The following WWOX variants were observed in gnomAD, a reference collection of about 807,000 sequenced individuals.
WWOX encodes the protein WW domain-containing oxidoreductase.
Under a neutral mutation model 46.2 loss-of-function variants are expected in WWOX, and 69 were observed. The observed-to-expected ratio is 1.49, with a 90% CI of 1.23 to 1.82. The LOEUF (loss-of-function observed/expected upper bound fraction) is 1.82, where lower values mean the gene tolerates loss of function less well. Ranked by LOEUF, WWOX falls within the 40% of genes most tolerant of loss-of-function variation. WWOX has a pLI of 0.00. For missense variants in WWOX, 919 were observed against 542.6 expected, an observed-to-expected ratio of 1.69 and a Z score of -6.89; for synonymous variants, 359 against 202.6, an observed-to-expected ratio of 1.77 and a Z score of -6.56.
At chr16:78,941,320 G>A (rs1028316433) in intron 8 of WWOX, among the ~76,000 whole-genome samples, 8 of 152,146 alleles carry the variant, frequency 5.3e-5, no homozygotes, top group African/African-American at 1.4e-4. Context: ...GGGATGTCGC[G>A]CATGTTGATT....
At chr16:78,374,142 T>A (rs2151923932) in intron 5 of WWOX, among the ~76,000 whole-genome samples, 1 of 152,316 alleles carries the variant, frequency 6.6e-6, no homozygotes, top group South Asian at 2.1e-4. Flanking sequence ...ACTCCATACA[T>A]CATTTTTTCT....
chr16:79,108,521 A>G (rs1055394057), intron 8 of WWOX, among the ~76,000 whole-genome samples: 5 of 152,266 alleles, frequency 3.3e-5, no homozygotes, highest in African/African-American at 1.2e-4. Context: ...GCAGTCCTGG[A>G]TGAACCACCA....
At chr16:78,471,145 G>T (rs534138123) in intron 8 of WWOX, among the ~76,000 whole-genome samples, 1 of 152,302 alleles carries the variant, frequency 6.6e-6, no homozygotes, top group African/African-American at 2.4e-5. Flanking sequence ...AAAGTCAAAA[G>T]AATGACAGAA....
At chr16:78,104,091 G>A (rs936783906) in intron 1 of WWOX, among the ~76,000 whole-genome samples, 7 of 152,156 alleles carry the variant, frequency 4.6e-5, no homozygotes, top group Middle Eastern at 6.8e-3. Context: ...TGTCAGAGCC[G>A]TCCTTGTTTG....
chr16:78,651,484 A>G (rs1403645494), intron 8 of WWOX, among the ~76,000 whole-genome samples: 1 of 152,244 alleles, frequency 6.6e-6, no homozygotes, highest in Non-Finnish European at 1.5e-5. Context: ...GCAGATTGTT[A>G]AAATGGTATC....
Position 78,424,891 on chromosome 16 carries a change from C to T in WWOX, c.627C>T (p.Cys209=). Residue 209 remains cysteine (C), a synonymous_variant, in exon 7 of 9, where the codon TGC becomes TGT. Transcript: ENST00000566780. ...TCAGGCCTCTTCATGTGCTTGTGTGCAACGCAGCAACTTTTGCTCTACCCT... is the reference window on the plus strand; with the variant it reads ...TCAGGCCTCTTCATGTGCTTGTGTGTAACGCAGCAACTTTTGCTCTACCCT... ...AKNVPLHVLV[C]NAATFALPWS... 1.2e-6 allele frequency: 2 copies of T among 1,614,150 alleles called. No homozygotes were observed. Among genetic ancestry groups the T allele is most frequent in the Middle Eastern group, 1.6e-4 (1 of 6,062 alleles).
chr16:78,373,892 A>G (rs893666187), intron 5 of WWOX, among the ~76,000 whole-genome samples: 7 of 152,100 alleles, frequency 4.6e-5, no homozygotes, highest in Admixed American at 2.6e-4. Flanking sequence ...AGTTCAAGCA[A>G]TCCTCCCACC....
At chr16:78,101,648 C>A (rs1239879913) in intron 1 of WWOX, among the ~76,000 whole-genome samples, 1 of 152,094 alleles carries the variant, frequency 6.6e-6, no homozygotes, top group Non-Finnish European at 1.5e-5. Flanking sequence ...TGGTTTGGCC[C>A]CTCCCCTCTC....
At chr16:79,102,198 A>G (rs1443074929) in intron 8 of WWOX, among the ~76,000 whole-genome samples, 5 of 152,086 alleles carry the variant, frequency 3.3e-5, no homozygotes, top group East Asian at 1.9e-4. Flanking sequence ...TCTCTTCTCA[A>G]TCTTTCTGAA....
At chr16:79,076,056 T>A (rs116566774) in intron 8 of WWOX, among the ~76,000 whole-genome samples, 1 of 152,212 alleles carries the variant, frequency 6.6e-6, no homozygotes, top group African/African-American at 2.4e-5. Flanking sequence ...TGAAAATGTT[T>A]CTTAGAAATT....
intron 8 of WWOX, among the ~76,000 whole-genome samples, chr16:78,608,237 A>G (rs1450295436): frequency 6.6e-6 from 1 of 152,198 alleles, no homozygotes; most frequent in African/African-American, 2.4e-5. Flanking sequence ...GAACTGTGAA[A>G]ATACACTCAG....
chr16:78,317,157 T>A (rs535724798), intron 5 of WWOX, among the ~76,000 whole-genome samples: 12 of 152,234 alleles, frequency 7.9e-5, no homozygotes, highest in Admixed American at 3.3e-4. Context: ...AGGGAAGGCT[T>A]CTGGAAAGAA....
intron 8 of WWOX, among the ~76,000 whole-genome samples, chr16:78,714,840 G>T (rs1303358384): frequency 6.6e-6 from 1 of 152,180 alleles, no homozygotes; most frequent in Non-Finnish European, 1.5e-5. Flanking sequence ...CTGCAGTGAG[G>T]AACCAGTGAG....
chr16:78,175,116 C>T (rs1206830214), intron 5 of WWOX, among the ~76,000 whole-genome samples: 1 of 152,010 alleles, frequency 6.6e-6, no homozygotes. Context: ...CAGAAAGGTG[C>T]CTATCATGTC....
intron 5 of WWOX, among the ~76,000 whole-genome samples, chr16:78,213,568 T>C (rs1033356798): frequency 2.6e-5 from 4 of 151,322 alleles, no homozygotes; most frequent in Non-Finnish European, 4.4e-5. Flanking sequence ...ACTGAGAAAA[T>C]AATTGGTCAG....
At chr16:78,803,844 A>T (rs761244958) in intron 8 of WWOX, among the ~76,000 whole-genome samples, 1 of 152,166 alleles carries the variant, frequency 6.6e-6, no homozygotes, top group Non-Finnish European at 1.5e-5. Flanking sequence ...AACAAATAAA[A>T]TAGTCAGAGC....
At chr16:78,484,035 T>A (rs2084565788) in intron 8 of WWOX, among the ~76,000 whole-genome samples, 1 of 152,210 alleles carries the variant, frequency 6.6e-6, no homozygotes, top group African/African-American at 2.4e-5. Context: ...AAAGGGTCAG[T>A]TATAGATAAG....
Position 78,460,400 on chromosome 16 carries a change from G to A in WWOX, c.1056+27648G>A, listed in dbSNP as rs114849590. Among the ~76,000 whole-genome samples the A allele has an allele frequency of 8.9e-3, 1,354 of 152,240 alleles. 28 individuals are homozygous for A. Among genetic ancestry groups the A allele is most frequent in the African/African-American group, 0.03 (1,263 of 41,540 alleles). ...AAAGTGCTGGGATTATAGGTACCCC[G>A]CCTGGCTGATACTTTCCTTAGTTGT... On this transcript the variant is annotated intron_variant, in intron 8 of 8. Transcript: ENST00000566780.
intron 8 of WWOX, among the ~76,000 whole-genome samples, chr16:78,492,070 G>A (rs1431118392): frequency 6.6e-6 from 1 of 152,102 alleles, no homozygotes; most frequent in Non-Finnish European, 1.5e-5. Context: ...TAGTCTCTGG[G>A]TTTTCGAAAC....
Sources: gnomAD v4.1 joint callset for allele counts (sites outside exome capture counted in the v4.1 genomes callset) on GRCh38, gnomAD v4.1.1 for gene constraint, MANE v1.5 for transcripts, NCBI Gene and HGNC (gene_info 2026-07-23, HGNC 2026-07-21) for gene names.